The following DROSHA variants were observed in gnomAD, a reference collection of about 807,000 sequenced individuals.
DROSHA encodes the protein ribonuclease 3.
A neutral mutation model predicts 181.9 loss-of-function variants in DROSHA; 56 were observed. That is an observed-to-expected ratio of 0.31 (90% confidence interval 0.25 to 0.38). The LOEUF (loss-of-function observed/expected upper bound fraction) is 0.38. Among genes scored for constraint, DROSHA ranks in the 10% least tolerant of loss-of-function variants. The probability of loss-of-function intolerance (pLI) is 1.00; values close to 1 mark genes in which losing one functional copy is unlikely to be tolerated. For synonymous variants in DROSHA, 524 were observed against 591.2 expected, an observed-to-expected ratio of 0.89 and a Z score of 1.65; for missense variants, 1,218 against 1,743.5, an observed-to-expected ratio of 0.70 and a Z score of 5.37.
rs73064342 is a variant in DROSHA at position 31,470,794 on chromosome 5, C to G, written c.2241+1269G>C. Among the ~76,000 whole-genome samples, 1 of 152,016 alleles carries G rather than the reference C, an allele frequency of 6.6e-6. No individual in the cohort carries two copies. The highest frequency in any genetic ancestry group is 1.5e-5 in the Non-Finnish European group (1 of 68,026). On this transcript the variant is annotated intron_variant, in intron 17 of 35. Coordinates refer to ENST00000344624, the MANE Select transcript of DROSHA (RefSeq NM_001382508.1). The surrounding 1 kb of genome is among the most constrained non-coding windows in gnomAD (Gnocchi z 4.0). ...AAGTCCAGGGTGAACGTGCTCCCCC[C>G]GTGTCTACCACAGAACATGGAACTC...
intron 35 of DROSHA, among the ~76,000 whole-genome samples, chr5:31,403,512 A>G (rs539986458): frequency 1.3e-5 from 2 of 152,330 alleles, no homozygotes; most frequent in East Asian, 3.9e-4. Context: ...TCATGGGTAT[A>G]CTTTTTTTCA....
intron 20 of DROSHA, among the ~76,000 whole-genome samples, chr5:31,463,860 C>T (rs1052852695): frequency 3.3e-5 from 5 of 152,148 alleles, no homozygotes; most frequent in South Asian, 4.1e-4. Flanking sequence ...ATACACTTTA[C>T]GAGTCTGCTT....
intron 16 of DROSHA, among the ~76,000 whole-genome samples, chr5:31,478,142 C>T (rs73749969): frequency 0.013 from 2,030 of 152,216 alleles, 50 homozygotes; most frequent in African/African-American, 0.046. Flanking sequence ...TACTCATTCT[C>T]AAAGAAGTTC....
intron 23 of DROSHA, among the ~76,000 whole-genome samples, chr5:31,442,257 C>T (rs1321159207): frequency 6.6e-6 from 1 of 152,194 alleles, no homozygotes; most frequent in African/African-American, 2.4e-5. Context: ...TGACTAAACT[C>T]TGGCAATAAG....
Position 31,484,350 on chromosome 5 carries a change from C to A in DROSHA, c.1996+531G>T, listed in dbSNP as rs1480882814. The stretch of plus-strand genomic sequence containing the variant: ...GATTGCGCCACTGCAGTCCGCAGTC[C>A]GGCCTGGGCGACAGAGCGAGACTCC... On this transcript the variant is annotated intron_variant, in intron 15 of 35. Coordinates refer to ENST00000344624, the MANE Select transcript of DROSHA (RefSeq NM_001382508.1). 3.4e-5 allele frequency among the ~76,000 whole-genome samples: 4 copies of A among 115,990 alleles called. No individual in the cohort carries two copies. In the South Asian group the frequency reaches 7.2e-4, roughly 21 times the overall value. The allele number at this position is 115,990 out of a possible 152,430, so 76.1% of individuals were successfully genotyped here.
chr5:31,461,982 T>A (rs116189333), intron 20 of DROSHA, among the ~76,000 whole-genome samples: 1 of 152,110 alleles, frequency 6.6e-6, no homozygotes, highest in East Asian at 1.9e-4. Flanking sequence ...AAATAATGCA[T>A]CCAGGATAAT....
At chr5:31,421,912 T>TA (rs1580025281) in intron 29 of DROSHA, 11 of 61,614 alleles carry the variant, frequency 1.8e-4, no homozygotes, top group African/African-American at 4.8e-4. Flanking sequence ...TATATAAAAA[T>TA]TAGCCGTGTG....
At chr5:31,522,700 A>G (rs746267033) in intron 5 of DROSHA, among the ~76,000 whole-genome samples, 1 of 152,196 alleles carries the variant, frequency 6.6e-6, no homozygotes, top group Non-Finnish European at 1.5e-5. Flanking sequence ...TCCAGTAGCT[A>G]CACATTTACT....
At chr5:31,453,375 G>GT (rs1747258782) in intron 20 of DROSHA, among the ~76,000 whole-genome samples, 1 of 151,960 alleles carries the variant, frequency 6.6e-6, no homozygotes, top group Admixed American at 6.6e-5. Flanking sequence ...TAATATCTGT[G>GT]TTTTTTTGTA....
chr5:31,433,143 T>C (rs988779057), intron 25 of DROSHA, among the ~76,000 whole-genome samples: 5 of 152,186 alleles, frequency 3.3e-5, no homozygotes, highest in African/African-American at 7.2e-5. Flanking sequence ...TGTCTCAGTA[T>C]GTATCTTAAA....
chr5:31,529,008 C>G (rs1298516920), intron 4 of DROSHA, 32 bp downstream of exon 4: 1 of 1,612,348 alleles, frequency 6.2e-7, no homozygotes, highest in South Asian at 1.1e-5. Context: ...TCGGTTCTCC[C>G]AAACTATTGC....
chr5:31,440,874 C>A (rs1461479679), intron 23 of DROSHA, among the ~76,000 whole-genome samples: 1 of 152,006 alleles, frequency 6.6e-6, no homozygotes, highest in Non-Finnish European at 1.5e-5. Context: ...ATATATATTT[C>A]TTATGTATGA....
At chr5:31,478,752 C>T (rs1301585827) in intron 16 of DROSHA, among the ~76,000 whole-genome samples, 1 of 152,114 alleles carries the variant, frequency 6.6e-6, no homozygotes, top group African/African-American at 2.4e-5. Flanking sequence ...AGACTAGTAA[C>T]ATCCAGTATT....
Position 31,410,943 on chromosome 5 carries a change from A to G in DROSHA, c.3526-56T>C. 7 of 1,602,940 alleles carry G rather than the reference A, an allele frequency of 4.4e-6. No individual in the cohort carries two copies. The South Asian group carries it at 4.5e-5, about 10-fold the overall frequency. On this transcript the variant is annotated intron_variant, in intron 30 of 35. Coordinates refer to ENST00000344624, the MANE Select transcript of DROSHA (RefSeq NM_001382508.1). ...ACACATTTCACTTTTGACCTCTCTT[A>G]TTCCTGGGTTGGACCCAACTAGCCT...
At chr5:31,431,464 T>G in intron 26 of DROSHA, 112 bp downstream of exon 26, 2 of 1,015,570 alleles carry the variant, frequency 2.0e-6, no homozygotes. Context: ...AGGAACCTCA[T>G]GTGCTTTGGG....
At chr5:31,499,163 C>T (rs540306223) in intron 11 of DROSHA, among the ~76,000 whole-genome samples, 36 of 152,296 alleles carry the variant, frequency 2.4e-4, no homozygotes, top group African/African-American at 8.2e-4. Flanking sequence ...CCAACTCAAA[C>T]GGGCAATATG....
In DROSHA at chr5:31,470,979, A is replaced by G. The variant is rs977353990; in HGVS notation, c.2241+1084T>C. On this transcript the variant is annotated intron_variant, in intron 17 of 35. Transcript: ENST00000344624. The surrounding 1 kb of genome is among the most constrained non-coding windows in gnomAD (Gnocchi z 4.0). ...TTACTCTGAGAGTGTTATTACTTAC[A>G]TATTTCTTTTAAAGTTACTTTAATA... 6.6e-6 allele frequency among the ~76,000 whole-genome samples: 1 copy of G among 152,242 alleles called. No homozygotes were observed. The highest frequency in any genetic ancestry group is 6.5e-5 in the Admixed American group (1 of 15,276).
intron 11 of DROSHA, among the ~76,000 whole-genome samples, chr5:31,502,183 C>A (rs1467565486): frequency 6.6e-6 from 1 of 152,252 alleles, no homozygotes; most frequent in Non-Finnish European, 1.5e-5. Context: ...CAAACAGCAT[C>A]AACAGCTGCC....
At chr5:31,479,146 G>T (rs972838624) in intron 16 of DROSHA, among the ~76,000 whole-genome samples, 1 of 151,880 alleles carries the variant, frequency 6.6e-6, no homozygotes, top group Non-Finnish European at 1.5e-5. Flanking sequence ...AAAAAAAAAA[G>T]GAAGTTGTGT....
Sources: allele counts gnomAD v4.1 joint callset (sites outside exome capture counted in the v4.1 genomes callset), GRCh38; gene constraint gnomAD v4.1.1; non-coding constraint Gnocchi (gnomAD v3.1); transcripts MANE v1.5; gene names NCBI Gene and HGNC (gene_info 2026-07-23, HGNC 2026-07-21).